Variants in EEA1 observed in about 807,000 individuals in gnomAD.
EEA1 encodes early endosome antigen 1, 162kD.
EEA1 carries 111 observed loss-of-function variants against 209.2 expected under a neutral mutation model. The ratio of observed to expected loss-of-function variants is 0.53; its 90% CI spans 0.45 to 0.62. The LOEUF is 0.62. Among genes scored for constraint, EEA1 ranks in the 20% least tolerant of loss-of-function variants. The pLI is 0.00. For synonymous variants in EEA1, 536 were observed against 540.6 expected, an observed-to-expected ratio of 0.99 and a Z score of 0.12; for missense variants, 1,343 against 1,530.8, an observed-to-expected ratio of 0.88 and a Z score of 2.05.
At chr12:92,805,267 A>C (rs772493522) in intron 18 of EEA1, among the ~76,000 whole-genome samples, 2 of 152,230 alleles carry the variant, frequency 1.3e-5, no homozygotes, top group Non-Finnish European at 2.9e-5. Context: ...ATGCCACCTG[A>C]GGCACAAGAT....
chr12:92,878,446 A>G (rs1879006082), intron 2 of EEA1, among the ~76,000 whole-genome samples: 1 of 152,206 alleles, frequency 6.6e-6, no homozygotes, highest in South Asian at 2.1e-4. Context: ...TACAATTTTC[A>G]GCTTTCTGAG....
chr12:92,831,483 A>C (rs1398696780), intron 11 of EEA1, among the ~76,000 whole-genome samples: 1 of 148,888 alleles, frequency 6.7e-6, no homozygotes, highest in Non-Finnish European at 1.5e-5. Flanking sequence ...GGTAAATAAT[A>C]TATGAATTGT....
In EEA1 at chr12:92,793,904, C is replaced by T. The variant is rs558862632; in HGVS notation, c.2967+4988G>A. Among the ~76,000 whole-genome samples, 82 of 152,282 alleles carry T rather than the reference C, an allele frequency of 5.4e-4. 1 individual carries two copies. Among genetic ancestry groups the T allele is most frequent in the African/African-American group, 2.0e-3 (82 of 41,574 alleles). On this transcript the variant is annotated intron_variant, in intron 21 of 28. Transcript: ENST00000322349. ...GGGATCTAATTAAACTAAAGAGCTT[C>T]CGCACGGCAAAAGAAACTACCATCA...
chr12:92,809,186 T>A (rs763127072), intron 17 of EEA1, 30 bp from the exon 18 acceptor site: 6 of 1,502,234 alleles, frequency 4.0e-6, no homozygotes, highest in Non-Finnish European at 5.4e-6. Flanking sequence ...TGGCAGCCAT[T>A]TTAATATTAG....
rs1309358095 is a variant in EEA1, at chr12:92,771,889, AAT to A, written c.*4120_*4121del. ...AGAGACAGACTGACTAAATTAACAA[AAT>A]ATATAAAACAGCTCAAGAATATGCT... On this transcript the variant is annotated 3_prime_UTR_variant, in exon 29 of 29. Transcript: ENST00000322349. 2 of 152,050 alleles carry A rather than the reference AAT, an allele frequency of 1.3e-5. No homozygotes were observed. The highest frequency in any genetic ancestry group is 2.9e-5 in the Non-Finnish European group (2 of 67,926). The allele number at this position is 152,050 out of a possible 1,614,324, so 9.4% of individuals were successfully genotyped here.
At chr12:92,899,892 G>A (rs1290276095) in intron 1 of EEA1, among the ~76,000 whole-genome samples, 1 of 152,158 alleles carries the variant, frequency 6.6e-6, no homozygotes, top group South Asian at 2.1e-4. Flanking sequence ...TGACTCTTGG[G>A]TGTCTCCTCC....
chr12:92,915,203 G>C (rs1391752645), intron 1 of EEA1, among the ~76,000 whole-genome samples: 1 of 152,110 alleles, frequency 6.6e-6, no homozygotes, highest in Non-Finnish European at 1.5e-5. Context: ...ACAGTGGTTT[G>C]TGCATGTAAT....
intron 1 of EEA1, among the ~76,000 whole-genome samples, chr12:92,914,749 C>A (rs1880705438): frequency 6.6e-6 from 1 of 151,944 alleles, no homozygotes; most frequent in African/African-American, 2.4e-5. Context: ...CTGCAACCTC[C>A]ACCTCCAGAG....
chr12:92,780,471 T>G, intron 23 of EEA1, 60 bp from the exon 24 acceptor site: 1 of 1,229,662 alleles, frequency 8.1e-7, no homozygotes. Context: ...TGAAAATGGG[T>G]GTAATAAAAA....
intron 12 of EEA1, among the ~76,000 whole-genome samples, chr12:92,826,827 C>T (rs9988989): frequency 1.5e-3 from 223 of 151,948 alleles, no homozygotes; most frequent in African/African-American, 5.2e-3. Flanking sequence ...AAAAAACTTT[C>T]TCCAGGCTGG....
chr12:92,783,112 G>C (rs1321496403), intron 22 of EEA1, among the ~76,000 whole-genome samples: 1 of 152,222 alleles, frequency 6.6e-6, no homozygotes, highest in Non-Finnish European at 1.5e-5. Context: ...TGAACCCAAA[G>C]AGGGTGTCAT....
intron 22 of EEA1, among the ~76,000 whole-genome samples, chr12:92,786,706 A>C (rs1874149158): frequency 6.6e-6 from 1 of 152,146 alleles, no homozygotes; most frequent in Non-Finnish European, 1.5e-5. Context: ...CCACTAGTCT[A>C]TCCCAGGTCC....
intron 3 of EEA1, among the ~76,000 whole-genome samples, chr12:92,860,811 G>A (rs1388478809): frequency 2.0e-5 from 3 of 151,762 alleles, no homozygotes; most frequent in Non-Finnish European, 4.4e-5. Context: ...ATTTTTGGAG[G>A]TTCATTATAT....
At chr12:92,869,524 A>C (rs1181084919) in intron 2 of EEA1, among the ~76,000 whole-genome samples, 3 of 151,440 alleles carry the variant, frequency 2.0e-5, no homozygotes, top group African/African-American at 7.3e-5. Flanking sequence ...CAGGCCGATG[A>C]CTTGAGGCCA....
intron 2 of EEA1, among the ~76,000 whole-genome samples, chr12:92,889,270 C>A (rs1879560115): frequency 6.7e-6 from 1 of 150,184 alleles, no homozygotes; most frequent in African/African-American, 2.4e-5. Flanking sequence ...GGTTGCTTAC[C>A]AAAGGGCCAG....
chr12:92,925,101 C>T (rs1383121725), intron 1 of EEA1, among the ~76,000 whole-genome samples: 3 of 150,386 alleles, frequency 2.0e-5, no homozygotes, highest in Admixed American at 1.3e-4. Flanking sequence ...TTCCACTGGA[C>T]GCTAAACTCC....
chr12:92,929,160 CG>C lies in EEA1; in HGVS notation c.-95del. ...GGTGCGCGGGCGGGAGGGACTGGGC[CG>C]GGAGGGGACCGGGAAGGAGGTCGGG... On this transcript the variant is annotated 5_prime_UTR_variant, in exon 1 of 29. Coordinates refer to ENST00000322349, the MANE Select transcript of EEA1 (RefSeq NM_003566.4). The C allele has an allele frequency of 8.5e-7, 1 of 1,177,420 alleles. No homozygotes were observed. 72.9% of individuals were successfully genotyped at this position (1,177,420 alleles called of 1,614,324 possible).
At chr12:92,813,837 A>AC (rs1244493675) in intron 15 of EEA1, among the ~76,000 whole-genome samples, 1 of 151,998 alleles carries the variant, frequency 6.6e-6, no homozygotes, top group African/African-American at 2.4e-5. Flanking sequence ...ATGTGGTGAA[A>AC]CCCCATCTCT....
chr12:92,836,995 C>T (rs570646363), intron 10 of EEA1, among the ~76,000 whole-genome samples: 48 of 151,954 alleles, frequency 3.2e-4, no homozygotes, highest in African/African-American at 1.2e-3. Flanking sequence ...GTGGTGCGTA[C>T]CTGTAATCCC....
Sources: allele counts gnomAD v4.1 joint callset (sites outside exome capture counted in the v4.1 genomes callset), GRCh38; gene constraint gnomAD v4.1.1; transcripts MANE v1.5; gene names NCBI Gene and HGNC (gene_info 2026-07-23, HGNC 2026-07-21).